The following ME3 variants were observed in gnomAD, a reference collection of about 807,000 sequenced individuals.
ME3 encodes the protein NADP-dependent malic enzyme, mitochondrial.
In ME3, 48 loss-of-function variants were observed where a neutral mutation model predicts 68.9. The observed-to-expected ratio is 0.70, with a 90% CI of 0.55 to 0.89. The LOEUF (loss-of-function observed/expected upper bound fraction) is 0.89. ME3 is among the 40% of genes least tolerant of loss of function. ME3 has a pLI of 0.00. For missense variants in ME3, 675 were observed against 797.4 expected (o/e 0.85, Z 1.85); for synonymous variants, 320 against 318.8 (o/e 1.00, Z -0.04).
chr11:86,482,422 G>C (rs1951464910), intron 7 of ME3, among the ~76,000 whole-genome samples: 1 of 152,112 alleles, frequency 6.6e-6, no homozygotes, highest in African/African-American at 2.4e-5. Context: ...CTGCTTATCT[G>C]TGTAACTGAG....
intron 7 of ME3, among the ~76,000 whole-genome samples, chr11:86,476,189 C>T (rs927429660): frequency 6.6e-5 from 10 of 152,290 alleles, no homozygotes; most frequent in African/African-American, 2.4e-4. Context: ...CTTGTACAGA[C>T]CTCCACACTT....
intron 8 of ME3, among the ~76,000 whole-genome samples, chr11:86,453,482 G>A (rs1949751838): frequency 6.6e-6 from 1 of 152,114 alleles, no homozygotes; most frequent in African/African-American, 2.4e-5. Flanking sequence ...GCCAATAGTA[G>A]GTGCTAGAGG....
At chr11:86,672,273 C>G (rs926880624) in intron 1 of ME3, 51 bp downstream of exon 1, 1 of 276,006 alleles carries the variant, frequency 3.6e-6, no homozygotes, top group African/African-American at 2.2e-5. Context: ...GGTCCCCGTA[C>G]CCCTAATCCC....
At chr11:86,465,157 C>T in exon 8 of ME3, 1 of 1,613,936 alleles carries the variant, frequency 6.2e-7, no homozygotes, top group South Asian at 1.1e-5. Context: ...AAGGCATTGG[C>T]ATTGGCGAAG....
chr11:86,459,277 G>A (rs746090384), intron 8 of ME3, among the ~76,000 whole-genome samples: 10 of 152,120 alleles, frequency 6.6e-5, no homozygotes, highest in Non-Finnish European at 1.2e-4. Flanking sequence ...AGTGAGATGG[G>A]GCCCTGCTTC....
chr11:86,649,612 A>G (rs949763448), intron 2 of ME3, among the ~76,000 whole-genome samples: 1 of 152,244 alleles, frequency 6.6e-6, no homozygotes, highest in Non-Finnish European at 1.5e-5. Context: ...CAACTTCAGT[A>G]AAGTCTCAGG....
intron 2 of ME3, among the ~76,000 whole-genome samples, chr11:86,628,078 C>G (rs757805580): frequency 6.6e-6 from 1 of 152,214 alleles, no homozygotes; most frequent in Admixed American, 6.5e-5. Flanking sequence ...GCAGATGATT[C>G]AATGGGGAAG....
chr11:86,500,194 A>C (rs1232341427), intron 5 of ME3, among the ~76,000 whole-genome samples: 2 of 152,116 alleles, frequency 1.3e-5, no homozygotes, highest in Non-Finnish European at 2.9e-5. Context: ...TCCTAATTAG[A>C]GCTTCCTTAT....
intron 2 of ME3, among the ~76,000 whole-genome samples, chr11:86,616,116 T>C (rs1565219240): frequency 6.6e-6 from 1 of 152,206 alleles, no homozygotes; most frequent in South Asian, 2.1e-4. Flanking sequence ...GTAAATATTG[T>C]CTGCATTATG....
intron 2 of ME3, among the ~76,000 whole-genome samples, chr11:86,640,032 G>A (rs1309106228): frequency 6.6e-6 from 1 of 152,144 alleles, no homozygotes; most frequent in Non-Finnish European, 1.5e-5. Context: ...CGGCCTCAAG[G>A]CAAACTTTAG....
intron 2 of ME3, among the ~76,000 whole-genome samples, chr11:86,599,473 G>C (rs1055287045): frequency 1.3e-5 from 2 of 152,228 alleles, no homozygotes; most frequent in Non-Finnish European, 2.9e-5. Context: ...ATCTGCATCT[G>C]ATTGGTGTAC....
chr11:86,448,701 A>G (rs1011498388), intron 10 of ME3, among the ~76,000 whole-genome samples: 5 of 152,188 alleles, frequency 3.3e-5, no homozygotes, highest in Non-Finnish European at 7.3e-5. Flanking sequence ...TCCCCTGTCA[A>G]TAATACTAAA....
intron 2 of ME3, among the ~76,000 whole-genome samples, chr11:86,650,343 A>G (rs543196101): frequency 6.6e-6 from 1 of 152,314 alleles, no homozygotes; most frequent in Admixed American, 6.5e-5. Context: ...AAGACCTAAA[A>G]CCATAAAAAC....
chr11:86,580,675 TA>T (rs1958394350), intron 2 of ME3, among the ~76,000 whole-genome samples: 1 of 152,228 alleles, frequency 6.6e-6, no homozygotes, highest in Non-Finnish European at 1.5e-5. Context: ...ATAGAAAACC[TA>T]CCCAAGATTA....
Position 86,659,071 on chromosome 11 carries a change from T to G in ME3, c.183+12691A>C, listed in dbSNP as rs143723919. ...AGGCTAAGCTTTCTGTCAGTTTGTG[T>G]AATGTTTTCAAGATCATGTTACTGC... On this transcript the variant is annotated intron_variant, in intron 2 of 14. Transcript: ENST00000543262. 8.8e-3 allele frequency among the ~76,000 whole-genome samples: 1,339 copies of G among 152,288 alleles called. 27 individuals are homozygous for G. The highest frequency in any genetic ancestry group is 0.03 in the African/African-American group (1,251 of 41,544).
At chr11:86,646,851 C>A (rs1468833648) in intron 2 of ME3, among the ~76,000 whole-genome samples, 1 of 152,212 alleles carries the variant, frequency 6.6e-6, no homozygotes, top group African/African-American at 2.4e-5. Context: ...AACAGTGGAT[C>A]TCTCTGCAGA....
intron 4 of ME3, among the ~76,000 whole-genome samples, chr11:86,532,426 A>G (rs188096202): frequency 1.3e-5 from 2 of 152,322 alleles, no homozygotes; most frequent in African/African-American, 4.8e-5. Context: ...TTCTTCTCCA[A>G]TGCATACAGA....
At position 86,528,538 on chromosome 11, in the gene ME3, A is replaced by G. The variant is rs1954947109; in HGVS notation, c.468-19671T>C. ...ACATCTACAGAACTCTCCACCCCAA[A>G]TCAACAGAATATACATTCTTTTCAG... On this transcript the variant is annotated intron_variant, in intron 4 of 14. Coordinates refer to ENST00000543262, the Ensembl canonical transcript of ME3. Among the ~76,000 whole-genome samples, 3 of 152,310 alleles carry G rather than the reference A, an allele frequency of 2.0e-5. No homozygotes were observed. The South Asian group carries it at 6.2e-4, about 32-fold the overall frequency.
In ME3 at chr11:86,506,388, C is replaced by A. The variant is rs189665409; in HGVS notation, c.543+2404G>T. On this transcript the variant is annotated intron_variant, in intron 5 of 14. Transcript: ENST00000543262. Reference sequence around the variant, plus strand: ...TATTTTGAATTTACATCTTGGTTTCCCAACCACAATACGAAGCAATTTGAG... The same window carrying A: ...TATTTTGAATTTACATCTTGGTTTCACAACCACAATACGAAGCAATTTGAG... 1.1e-3 allele frequency among the ~76,000 whole-genome samples: 163 copies of A among 152,252 alleles called. 2 individuals carry two copies. The highest frequency in any genetic ancestry group is 2.1e-3 in the Non-Finnish European group (140 of 68,034).
Sources: gnomAD v4.1 joint callset for allele counts (sites outside exome capture counted in the v4.1 genomes callset) on GRCh38, gnomAD v4.1.1 for gene constraint, MANE v1.5 for transcripts, NCBI Gene and HGNC (gene_info 2026-07-23, HGNC 2026-07-21) for gene names.